Variants in VWC2 observed in about 807,000 individuals in gnomAD.
The protein encoded by VWC2 is brorin.
In VWC2, 14 loss-of-function variants were observed where a neutral mutation model predicts 29.8. The ratio of observed to expected loss-of-function variants is 0.47; its 90% CI spans 0.31 to 0.74. VWC2 has a LOEUF of 0.74. Ranked by LOEUF, VWC2 falls within the 30% of genes least tolerant of loss-of-function variation. The pLI is 0.05. For missense variants in VWC2, 457 were observed against 459.8 expected (o/e 0.99, Z 0.05); for synonymous variants, 213 against 199.0 (o/e 1.07, Z -0.59).
At chr7:49,817,491 G>A (rs937359451) in intron 3 of VWC2, among the ~76,000 whole-genome samples, 12 of 152,188 alleles carry the variant, frequency 7.9e-5, no homozygotes, top group Non-Finnish European at 1.5e-4. Context: ...TCCGTCTCCA[G>A]GAGAATAAGC....
At chr7:49,851,965 C>T (rs1242073735) in intron 3 of VWC2, among the ~76,000 whole-genome samples, 4 of 152,220 alleles carry the variant, frequency 2.6e-5, no homozygotes, top group African/African-American at 9.6e-5. Flanking sequence ...GTTCTAAGGA[C>T]TGCTAGGCAG....
At chr7:49,868,747 A>G (rs1791014326) in intron 3 of VWC2, among the ~76,000 whole-genome samples, 1 of 152,242 alleles carries the variant, frequency 6.6e-6, no homozygotes, top group Middle Eastern at 3.4e-3. Context: ...CCTCCCAAGT[A>G]GATGGGATTA....
intron 3 of VWC2, among the ~76,000 whole-genome samples, chr7:49,882,167 T>C (rs2128727453): frequency 6.6e-6 from 1 of 152,278 alleles, no homozygotes; most frequent in African/African-American, 2.4e-5. Context: ...ATATTTGTTC[T>C]CTTCTTTTAT....
chr7:49,874,350 A>G (rs763358766), intron 3 of VWC2, among the ~76,000 whole-genome samples: 3 of 152,208 alleles, frequency 2.0e-5, no homozygotes, highest in African/African-American at 4.8e-5. Context: ...ACAGCTGCCT[A>G]CAGTATTCAG....
intron 3 of VWC2, among the ~76,000 whole-genome samples, chr7:49,870,156 T>C (rs1271717351): frequency 2.0e-5 from 3 of 152,174 alleles, no homozygotes; most frequent in Admixed American, 2.0e-4. Context: ...ATCCCAGCAC[T>C]TTGGGAGACC....
intron 3 of VWC2, among the ~76,000 whole-genome samples, chr7:49,831,539 A>G (rs766413007): frequency 2.0e-5 from 3 of 152,204 alleles, no homozygotes; most frequent in Non-Finnish European, 4.4e-5. Flanking sequence ...GGTAGAATAT[A>G]CAGGTGGCAG....
At chr7:49,865,803 T>C (rs1403626378) in intron 3 of VWC2, among the ~76,000 whole-genome samples, 4 of 152,164 alleles carry the variant, frequency 2.6e-5, no homozygotes, top group Non-Finnish European at 4.4e-5. Context: ...ATATCAACCT[T>C]ATCCCAGCAC....
chr7:49,870,482 C>A (rs1791103605), intron 3 of VWC2, among the ~76,000 whole-genome samples: 1 of 152,154 alleles, frequency 6.6e-6, no homozygotes, highest in Non-Finnish European at 1.5e-5. Context: ...ATTTTACCAA[C>A]CTGTAAGATT....
At chr7:49,899,526 T>C (rs1233179198) in intron 3 of VWC2, among the ~76,000 whole-genome samples, 1 of 152,008 alleles carries the variant, frequency 6.6e-6, no homozygotes, top group Non-Finnish European at 1.5e-5. Context: ...TAAGTAGCTA[T>C]ATTAATTTCT....
At chr7:49,906,480 C>T (rs1317408783) in intron 3 of VWC2, among the ~76,000 whole-genome samples, 2 of 152,018 alleles carry the variant, frequency 1.3e-5, no homozygotes, top group African/African-American at 4.8e-5. Flanking sequence ...GGACTACAGG[C>T]ACCCGCCACC....
At chr7:49,874,906 G>C (rs530673248) in intron 3 of VWC2, among the ~76,000 whole-genome samples, 1 of 152,244 alleles carries the variant, frequency 6.6e-6, no homozygotes, top group South Asian at 2.1e-4. Flanking sequence ...TTGTATGAGA[G>C]AGTGAGATTC....
chr7:49,796,894 A>G (rs1273386658), intron 2 of VWC2, among the ~76,000 whole-genome samples: 1 of 152,322 alleles, frequency 6.6e-6, no homozygotes, highest in South Asian at 2.1e-4. Flanking sequence ...ACCACTTACC[A>G]TCATATAGAG....
intron 3 of VWC2, among the ~76,000 whole-genome samples, chr7:49,882,956 T>G (rs2128727715): frequency 6.6e-6 from 1 of 152,132 alleles, no homozygotes; most frequent in East Asian, 1.9e-4. Flanking sequence ...CAAAGCTCCC[T>G]GTCAATCGCC....
At chr7:49,789,270 C>T (rs756959917) in intron 2 of VWC2, among the ~76,000 whole-genome samples, 21 of 117,622 alleles carry the variant, frequency 1.8e-4, no homozygotes, top group Non-Finnish European at 2.8e-4. Flanking sequence ...TGTGTGTGAG[C>T]GGGTGTGTGT....
intron 3 of VWC2, among the ~76,000 whole-genome samples, chr7:49,852,158 C>T (rs959957571): frequency 2.0e-5 from 3 of 152,236 alleles, no homozygotes; most frequent in Admixed American, 6.5e-5. Flanking sequence ...GAGCTGGTCT[C>T]TCTGCCCTGT....
At chr7:49,787,933 C>A (rs1788336359) in intron 2 of VWC2, among the ~76,000 whole-genome samples, 1 of 152,182 alleles carries the variant, frequency 6.6e-6, no homozygotes, top group African/African-American at 2.4e-5. Context: ...GGTCAGATCT[C>A]AGGGACCATT....
intron 3 of VWC2, among the ~76,000 whole-genome samples, chr7:49,872,850 A>T (rs1179350115): frequency 3.0e-5 from 4 of 131,920 alleles, no homozygotes; most frequent in Non-Finnish European, 4.7e-5. Context: ...CAGGAGGCAG[A>T]GGTTGCAGTG....
At chr7:49,792,294 T>C (rs1788478530) in intron 2 of VWC2, among the ~76,000 whole-genome samples, 2 of 152,190 alleles carry the variant, frequency 1.3e-5, no homozygotes, top group Admixed American at 1.3e-4. Flanking sequence ...TTAACCATCC[T>C]CATTTTACAG....
rs567929789 is a variant in VWC2 at position 49,781,548 on chromosome 7, T to A, written c.696+5417T>A. 2.6e-5 allele frequency among the ~76,000 whole-genome samples: 4 copies of A among 152,314 alleles called. No individual in the cohort carries two copies. The East Asian group carries it at 7.7e-4, about 29-fold the overall frequency. On this transcript the variant is annotated intron_variant, in intron 2 of 3. Transcript: ENST00000340652. ...AAAACTAAGGTCCGAAAAAGTTAAATAGCTTGATCAAGGTCATAGAGCTAG... is the reference window on the plus strand; with the variant it reads ...AAAACTAAGGTCCGAAAAAGTTAAAAAGCTTGATCAAGGTCATAGAGCTAG...
Sources: gnomAD v4.1 joint callset for allele counts (sites outside exome capture counted in the v4.1 genomes callset) on GRCh38, gnomAD v4.1.1 for gene constraint, MANE v1.5 for transcripts, NCBI Gene and HGNC (gene_info 2026-07-23, HGNC 2026-07-21) for gene names.